Variants in ZMIZ1 observed in about 807,000 individuals in gnomAD.
The protein encoded by ZMIZ1 is zinc finger MIZ-type containing 1, also known as zinc finger MIZ domain-containing protein 1.
ZMIZ1 carries 17 observed loss-of-function variants against 113.9 expected under a neutral mutation model. The ratio of observed to expected loss-of-function variants is 0.15; its 90% CI spans 0.10 to 0.22. The LOEUF (loss-of-function observed/expected upper bound fraction) is 0.22, where lower values mean the gene tolerates loss of function less well. ZMIZ1 is among the 10% of genes least tolerant of loss of function. The pLI, the probability that ZMIZ1 is intolerant of heterozygous loss-of-function variation, is 1.00. For missense variants in ZMIZ1, 1,059 were observed against 1,477.8 expected (o/e 0.72, Z 4.65); for synonymous variants, 607 against 603.1 (o/e 1.01, Z -0.09).
At chr10:79,233,664 T>C (rs1379829948) in intron 7 of ZMIZ1, among the ~76,000 whole-genome samples, 1 of 152,142 alleles carries the variant, frequency 6.6e-6, no homozygotes, top group Admixed American at 6.5e-5. Flanking sequence ...CCTGATTTTT[T>C]TCCCCTCCTG....
intron 4 of ZMIZ1, among the ~76,000 whole-genome samples, chr10:79,174,197 C>A (rs1162900217): frequency 6.6e-6 from 1 of 152,166 alleles, no homozygotes; most frequent in African/African-American, 2.4e-5. Flanking sequence ...TATTAGATTG[C>A]AGCTTGGAGC....
chr10:79,195,210 C>T (rs998631227), intron 4 of ZMIZ1, among the ~76,000 whole-genome samples: 1 of 152,248 alleles, frequency 6.6e-6, no homozygotes, highest in Non-Finnish European at 1.5e-5. Flanking sequence ...TGGTATTTGA[C>T]AGGCTGCCAA....
In ZMIZ1 at chr10:79,069,266, G is replaced by A. The variant is rs1361100469; in HGVS notation, c.-341G>A. ...CAGCGGCGGCAGCGGCGCTCGCAGCGCCCGGTAAGTTTGGGGCCAGAGCCA... is the reference window on the plus strand; with the variant it reads ...CAGCGGCGGCAGCGGCGCTCGCAGCACCCGGTAAGTTTGGGGCCAGAGCCA... On this transcript the variant is annotated 5_prime_UTR_variant, in exon 1 of 25. Transcript: ENST00000334512. This position sits in a 1 kb window ranked among gnomAD's most constrained non-coding sequence, Gnocchi z 4.6. The A allele has an allele frequency of 2.0e-5, 3 of 150,698 alleles. No individual in the cohort carries two copies. Among genetic ancestry groups the A allele is most frequent in the Admixed American group, 1.3e-4 (2 of 15,162 alleles). 9.3% of individuals were successfully genotyped at this position (150,698 alleles called of 1,614,324 possible).
At chr10:79,107,831 G>A (rs1265587752) in intron 1 of ZMIZ1, among the ~76,000 whole-genome samples, 2 of 152,210 alleles carry the variant, frequency 1.3e-5, no homozygotes, top group African/African-American at 4.8e-5. Context: ...CTGCTGTAGG[G>A]TGGAGGTGGG....
At chr10:79,274,748 C>T (rs1238044838) in intron 7 of ZMIZ1, among the ~76,000 whole-genome samples, 1 of 152,214 alleles carries the variant, frequency 6.6e-6, no homozygotes, top group Non-Finnish European at 1.5e-5. Flanking sequence ...CGCCTGTTTG[C>T]GGCATGCCAG....
intron 4 of ZMIZ1, among the ~76,000 whole-genome samples, chr10:79,177,634 GC>G (rs1472342738): frequency 6.6e-6 from 1 of 152,224 alleles, no homozygotes; most frequent in Non-Finnish European, 1.5e-5. Flanking sequence ...CCCTGAGGAG[GC>G]TCTTGTGTGT....
intron 4 of ZMIZ1, among the ~76,000 whole-genome samples, chr10:79,175,537 T>G (rs1344023020): frequency 6.7e-6 from 1 of 150,076 alleles, no homozygotes; most frequent in Non-Finnish European, 1.5e-5. Flanking sequence ...GGGCTCCACC[T>G]TGGTGCTTGC....
At chr10:79,077,606 T>C (rs1354800325) in intron 1 of ZMIZ1, among the ~76,000 whole-genome samples, 2 of 152,206 alleles carry the variant, frequency 1.3e-5, no homozygotes, top group African/African-American at 4.8e-5. Flanking sequence ...ATAAATATAA[T>C]AGCCAGCATT....
intron 7 of ZMIZ1, among the ~76,000 whole-genome samples, chr10:79,266,242 A>G (rs1294588914): frequency 6.6e-6 from 1 of 152,180 alleles, no homozygotes; most frequent in Non-Finnish European, 1.5e-5. Flanking sequence ...GGCAGGCAGG[A>G]GGCACAGAGC....
intron 7 of ZMIZ1, among the ~76,000 whole-genome samples, chr10:79,241,340 T>C (rs1849820875): frequency 6.6e-6 from 1 of 152,146 alleles, no homozygotes; most frequent in Non-Finnish European, 1.5e-5. Context: ...CTGCCTGCGG[T>C]GCTGCTTGGG....
intron 1 of ZMIZ1, among the ~76,000 whole-genome samples, chr10:79,072,971 G>C (rs189252682): frequency 1.3e-5 from 2 of 152,178 alleles, no homozygotes; most frequent in Non-Finnish European, 2.9e-5. Flanking sequence ...TGTAAGCTCC[G>C]GGGCGTTCTG....
intron 4 of ZMIZ1, among the ~76,000 whole-genome samples, chr10:79,170,354 C>G (rs939441073): frequency 6.6e-6 from 1 of 152,198 alleles, no homozygotes; most frequent in Non-Finnish European, 1.5e-5. Context: ...CCCTGATGTC[C>G]CCTCTACCAG....
chr10:79,190,641 A>C (rs987194552), intron 4 of ZMIZ1, among the ~76,000 whole-genome samples: 1 of 152,144 alleles, frequency 6.6e-6, no homozygotes, highest in African/African-American at 2.4e-5. Flanking sequence ...GCTCAGGAGG[A>C]GCAGCCACTG....
intron 4 of ZMIZ1, among the ~76,000 whole-genome samples, chr10:79,192,417 C>G (rs951515982): frequency 2.6e-5 from 4 of 152,234 alleles, no homozygotes; most frequent in African/African-American, 9.6e-5. Flanking sequence ...ATCCCACTAG[C>G]CAGCATTGAC....
intron 8 of ZMIZ1, 84 bp downstream of exon 8, chr10:79,277,409 G>A (rs1852369146): frequency 6.9e-7 from 1 of 1,457,622 alleles, no homozygotes; most frequent in East Asian, 2.7e-5. Flanking sequence ...CCTGGGGTGG[G>A]GGCCTCTGTG....
chr10:79,249,574 C>T (rs1850418158), intron 7 of ZMIZ1, among the ~76,000 whole-genome samples: 2 of 152,330 alleles, frequency 1.3e-5, no homozygotes, highest in South Asian at 4.1e-4. Context: ...ATTTACTGTG[C>T]TGTCCAGTAT....
intron 4 of ZMIZ1, among the ~76,000 whole-genome samples, chr10:79,199,294 TC>T (rs1847970635): frequency 6.6e-6 from 1 of 152,022 alleles, no homozygotes; most frequent in African/African-American, 2.4e-5. Flanking sequence ...AATCACGAGA[TC>T]AGGAGATTGA....
rs572297697 is a variant in ZMIZ1, at chr10:79,302,843, G to A, written c.2125+631G>A. ...CAAGGAGTTGGGACTATAGGTGCAT[G>A]CCACCACGCCCAGCTAAGTTTTTTT... is the stretch of plus-strand genomic sequence containing the variant. On this transcript the variant is annotated intron_variant, in intron 18 of 24. Transcript: ENST00000334512. 5.1e-4 allele frequency among the ~76,000 whole-genome samples: 73 copies of A among 143,698 alleles called. 1 individual carries two copies. Among genetic ancestry groups the A allele is most frequent in the Non-Finnish European group, 7.0e-4 (46 of 66,104 alleles). 94.3% of individuals were successfully genotyped at this position (143,698 alleles called of 152,430 possible). A position where few individuals can be genotyped will look rare whatever the true frequency, so the allele number is the denominator to read the frequency against.
intron 4 of ZMIZ1, among the ~76,000 whole-genome samples, chr10:79,173,795 A>G (rs1444879281): frequency 6.6e-6 from 1 of 152,198 alleles, no homozygotes; most frequent in African/African-American, 2.4e-5. Flanking sequence ...ACTGAAGAAC[A>G]GAGACGCTAG....
Sources: gnomAD v4.1 joint callset for allele counts (sites outside exome capture counted in the v4.1 genomes callset) on GRCh38, gnomAD v4.1.1 for gene constraint, Gnocchi (gnomAD v3.1) non-coding constraint, MANE v1.5 for transcripts, NCBI Gene and HGNC (gene_info 2026-07-23, HGNC 2026-07-21) for gene names.